Variants in NBPF10 observed in about 807,000 individuals in gnomAD.
The protein encoded by NBPF10 is NBPF member 10.
Under a neutral mutation model 77.9 loss-of-function variants are expected in NBPF10, and 63 were observed. The ratio of observed to expected loss-of-function variants is 0.81; its 90% CI spans 0.66 to 1.00. The LOEUF is 1.00. NBPF10 is among the 50% of genes least tolerant of loss of function. NBPF10 has a pLI of 0.00. For synonymous variants in NBPF10, 146 were observed against 264.5 expected, an observed-to-expected ratio of 0.55 and a Z score of 4.35; for missense variants, 522 against 679.8, an observed-to-expected ratio of 0.77 and a Z score of 2.58.
At chr1:146,139,087 A>T (rs1553796172) in intron 5 of NBPF10, among the ~76,000 whole-genome samples, 1 of 113,864 alleles carries the variant, frequency 8.8e-6, no homozygotes, top group Non-Finnish European at 1.9e-5. Context: ...CTGGTCAGAG[A>T]CTTACTTTTT....
intron 9 of NBPF10, 146 bp from the exon 10 acceptor site, chr1:146,133,874 A>G: frequency 3.0e-6 from 1 of 331,452 alleles, no homozygotes. Flanking sequence ...GGAACATGCA[A>G]TCCTGTTCTC....
intron 7 of NBPF10, 127 bp downstream of exon 7, chr1:146,136,226 C>T (rs1219704362): frequency 2.3e-5 from 19 of 824,404 alleles, no homozygotes; most frequent in Middle Eastern, 3.5e-4. Context: ...TTGTGTGTAG[C>T]GAGCCTGCCA....
At chr1:146,067,400 G>T in intron 88 of NBPF10, 112 bp from the exon 89 acceptor site, 1 of 328,848 alleles carries the variant, frequency 3.0e-6, no homozygotes, top group African/African-American at 4.2e-5. Flanking sequence ...ATAAGAATAG[G>T]ACACTGTGAG....
At chr1:146,140,292 C>A (rs587739386) in intron 4 of NBPF10, among the ~76,000 whole-genome samples, 192 bp downstream of exon 4, 1 of 127,628 alleles carries the variant, frequency 7.8e-6, no homozygotes, top group African/African-American at 2.6e-5. Flanking sequence ...CTGCATGGTA[C>A]AGACATGACA....
In NBPF10 at chr1:146,068,171, TG is replaced by T; in HGVS notation, c.10866del (p.Ser3623AlafsTer33). On this transcript the variant is annotated frameshift_variant, in exon 88 of 90. Transcript: ENST00000583866. LOFTEE classifies it high-confidence loss of function. ...TCTTTCTCATCCAGCAGCTCCCTGC[TG>T]AGCCTGGAAAAGTAGGAAAAAGTAA... 2.3e-6 allele frequency: 1 copy of T among 435,006 alleles called. No individual in the cohort carries two copies. Among genetic ancestry groups the T allele is most frequent in the Non-Finnish European group, 3.9e-6 (1 of 253,538 alleles). 26.9% of individuals were successfully genotyped at this position (435,006 alleles called of 1,614,324 possible).
chr1:146,073,997 G>C (rs1553780348), intron 80 of NBPF10, among the ~76,000 whole-genome samples: 2 of 97,228 alleles, frequency 2.1e-5, no homozygotes, highest in African/African-American at 5.6e-5. Context: ...TCAGAGTTGT[G>C]TGAATTTGTC....
intron 27 of NBPF10, 59 bp from the exon 28 acceptor site, chr1:146,115,461 C>G: frequency 2.0e-5 from 1 of 49,042 alleles, no homozygotes; most frequent in South Asian, 1.0e-4. Flanking sequence ...CACACAGCCC[C>G]AGCTAGATTT....
intron 1 of NBPF10, among the ~76,000 whole-genome samples, chr1:146,143,279 TA>T (rs1660482502): frequency 7.6e-6 from 1 of 131,760 alleles, no homozygotes; most frequent in African/African-American, 2.5e-5. Context: ...GTGTGAGACA[TA>T]AGACAATAAG....
exon 16 of NBPF10, chr1:146,124,804 T>C (rs368148853): frequency 3.0e-4 from 5 of 16,718 alleles, no homozygotes; most frequent in East Asian, 3.1e-3. Flanking sequence ...ATAACATCTA[T>C]CCAGTGAGTC....
exon 2 of NBPF10, chr1:146,142,651 T>C: frequency 7.5e-7 from 1 of 1,332,380 alleles, no homozygotes; most frequent in Non-Finnish European, 1.0e-6. Context: ...TCCCCTCACC[T>C]GAGCTCCTCA....
intron 6 of NBPF10, among the ~76,000 whole-genome samples, chr1:146,137,744 T>C (rs61814633): frequency 8.7e-5 from 11 of 125,890 alleles, no homozygotes; most frequent in African/African-American, 1.1e-4. Flanking sequence ...CTATTAGGAG[T>C]AGACTCCTCT....
At chr1:146,137,662 T>A (rs1396351413) in intron 6 of NBPF10, among the ~76,000 whole-genome samples, 4 of 134,352 alleles carry the variant, frequency 3.0e-5, no homozygotes, top group Admixed American at 1.5e-4. Flanking sequence ...GTGCTGGGAT[T>A]ACAGGAGTGA....
rs1553797913 is a variant in NBPF10 at position 146,142,712 on chromosome 1, C to A, written c.216G>T (p.Arg72Ser). 6 of 1,362,422 alleles carry A rather than the reference C, an allele frequency of 4.4e-6. 2 individuals carry two copies. The highest frequency in any genetic ancestry group is 6.0e-6 in the Non-Finnish European group (6 of 992,370). The allele number at this position is 1,362,422 out of a possible 1,614,324, so 84.4% of individuals were successfully genotyped here. A position where few individuals can be genotyped will look rare whatever the true frequency, so the allele number is the denominator to read the frequency against. Residue 72 changes from arginine (R) to serine (S), a missense_variant, in exon 2 of 90, where the codon AGG (arginine) becomes AGT (serine). By Grantham distance (110) the Arg-to-Ser change is moderately radical. Coordinates refer to ENST00000583866, the Ensembl canonical transcript of NBPF10. ...TCTCCTCCTTGAACTGTCGCTCATT[C>A]CTCAGCATAAATTTTATGAGGTCTT...
rs781823409 is a variant in NBPF10 at position 146,134,272 on chromosome 1, A to G, written c.1307-7T>C. ...TCGTCATCGTTGTCATTTTCTGCAA[A>G]TACAGAAGTGTTCGTTCAGGTATTT... On this transcript the variant is annotated splice_polypyrimidine_tract_variant and splice_region_variant and intron_variant, in intron 8 of 89. Coordinates refer to ENST00000583866, the Ensembl canonical transcript of NBPF10. 10 of 1,603,634 alleles carry G rather than the reference A, an allele frequency of 6.2e-6. No homozygotes were observed. Among genetic ancestry groups the G allele is most frequent in the Non-Finnish European group, 8.5e-6 (10 of 1,178,970 alleles).
rs1266871087 is a variant in NBPF10, at chr1:146,125,904, A to T, written c.2026+332T>A. Among the ~76,000 whole-genome samples, 7 of 151,624 alleles carry T rather than the reference A, an allele frequency of 4.6e-5. No homozygotes were observed. The South Asian group carries it at 6.3e-4, about 14-fold the overall frequency. ...GGTAGCGAGGATTTTAGACGCTGAA[A>T]TTAGAGTAAAGGATGAAATCTACAA... On this transcript the variant is annotated intron_variant, in intron 14 of 89. Coordinates refer to ENST00000583866, the Ensembl canonical transcript of NBPF10.
At chr1:146,126,282 A>T (rs782116690) in exon 14 of NBPF10, 3 of 1,606,410 alleles carry the variant, frequency 1.9e-6, no homozygotes, top group Non-Finnish European at 2.6e-6. Flanking sequence ...CCAATATGTA[A>T]AAGGCACTTC....
chr1:146,126,409 G>A lies in NBPF10; in HGVS notation c.1854-1C>T, dbSNP rs61816394. Reference sequence around the variant, plus strand: ...CTCATCCAGCAGCTCCCTGCTGAGCGTGGAAAAGTAGGAAAAAGTAAAGAA... The same window carrying A: ...CTCATCCAGCAGCTCCCTGCTGAGCATGGAAAAGTAGGAAAAAGTAAAGAA... On this transcript the variant is annotated splice_acceptor_variant, in intron 13 of 89. Coordinates refer to ENST00000583866, the Ensembl canonical transcript of NBPF10. LOFTEE classifies it high-confidence loss of function. 42 of 1,124,364 alleles carry A rather than the reference G, an allele frequency of 3.7e-5. 1 individual carries two copies. Among genetic ancestry groups the A allele is most frequent in the Admixed American group, 7.2e-5 (4 of 55,284 alleles). The allele number at this position is 1,124,364 out of a possible 1,614,324, so 69.6% of individuals were successfully genotyped here.
chr1:146,141,896 G>T (rs1660341826), intron 2 of NBPF10, 78 bp from the exon 3 acceptor site: 1 of 1,163,712 alleles, frequency 8.6e-7, no homozygotes, highest in African/African-American at 1.4e-5. Flanking sequence ...AGAGACTTCT[G>T]AGACAATGTC....
intron 13 of NBPF10, among the ~76,000 whole-genome samples, chr1:146,126,614 C>CACAG (rs1378841814): frequency 0.012 from 1,630 of 140,826 alleles, 35 homozygotes; most frequent in African/African-American, 0.039. Flanking sequence ...CACACACACA[C>CACAG]ACACACACAC....
Sources: allele counts gnomAD v4.1 joint callset (sites outside exome capture counted in the v4.1 genomes callset), GRCh38; gene constraint gnomAD v4.1.1; transcripts MANE v1.5; gene names NCBI Gene and HGNC (gene_info 2026-07-23, HGNC 2026-07-21).